LRP1B: variants seen among roughly 807,000 people sequenced by gnomAD.
The protein encoded by LRP1B is LDL receptor related protein 1B, also known as low-density lipoprotein receptor-related protein 1B.
LRP1B carries 217 observed loss-of-function variants against 556.6 expected under a neutral mutation model. That is an observed-to-expected ratio of 0.39 (90% CI 0.35 to 0.44). The LOEUF is 0.44. LRP1B is among the 20% of genes least tolerant of loss of function. The pLI, the probability that LRP1B is intolerant of heterozygous loss-of-function variation, is 1.00. For synonymous variants in LRP1B, 2,047 were observed against 1,865.8 expected (o/e 1.10, Z -2.50); for missense variants, 5,053 against 5,620.8 (o/e 0.90, Z 3.23).
At chr2:140,987,531 A>G (rs980997796) in intron 17 of LRP1B, among the ~76,000 whole-genome samples, 1 of 152,150 alleles carries the variant, frequency 6.6e-6, no homozygotes, top group Non-Finnish European at 1.5e-5. Context: ...TTCTTTAAAA[A>G]CCATGTAGAA....
chr2:141,991,661 G>C (rs940433604), intron 1 of LRP1B, among the ~76,000 whole-genome samples: 5 of 151,966 alleles, frequency 3.3e-5, no homozygotes, highest in Non-Finnish European at 7.4e-5. Context: ...TCCTCTTTTA[G>C]AGGAAACAGA....
intron 79 of LRP1B, among the ~76,000 whole-genome samples, chr2:140,332,102 T>A (rs944783614): frequency 3.3e-5 from 5 of 152,058 alleles, no homozygotes; most frequent in African/African-American, 1.2e-4. Flanking sequence ...ACCAGGTGTA[T>A]CTGACTCCAA....
At chr2:141,686,256 A>C (rs1265907273) in intron 2 of LRP1B, among the ~76,000 whole-genome samples, 1 of 152,036 alleles carries the variant, frequency 6.6e-6, no homozygotes, top group Non-Finnish European at 1.5e-5. Context: ...ACTTACTTTC[A>C]TTGATAGCAT....
intron 2 of LRP1B, among the ~76,000 whole-genome samples, chr2:141,519,545 G>A (rs1348348547): frequency 5.3e-5 from 8 of 151,694 alleles, no homozygotes; most frequent in Non-Finnish European, 7.4e-5. Flanking sequence ...GGTATGACAG[G>A]CAACTCTTCA....
At chr2:141,567,613 T>C (rs1379709479) in intron 2 of LRP1B, among the ~76,000 whole-genome samples, 1 of 151,962 alleles carries the variant, frequency 6.6e-6, no homozygotes, top group Non-Finnish European at 1.5e-5. Context: ...TAAGAAAAGA[T>C]GAGAAATTAG....
At chr2:141,962,092 T>C (rs557974964) in intron 1 of LRP1B, among the ~76,000 whole-genome samples, 2 of 151,796 alleles carry the variant, frequency 1.3e-5, no homozygotes, top group Non-Finnish European at 2.9e-5. Flanking sequence ...AATACAGTAA[T>C]TTTTAACCTA....
intron 41 of LRP1B, among the ~76,000 whole-genome samples, chr2:140,644,379 A>G (rs1001964817): frequency 1.3e-4 from 19 of 151,266 alleles, no homozygotes; most frequent in Non-Finnish European, 1.8e-4. Context: ...AATAGCATCA[A>G]TCATTTCTTT....
At chr2:141,802,994 T>C (rs2105691568) in intron 2 of LRP1B, among the ~76,000 whole-genome samples, 1 of 152,206 alleles carries the variant, frequency 6.6e-6, no homozygotes, top group Non-Finnish European at 1.5e-5. Flanking sequence ...ATTCCTGTAT[T>C]TCATTTCACC....
chr2:140,539,197 G>T (rs952382011), intron 45 of LRP1B, among the ~76,000 whole-genome samples: 1 of 152,082 alleles, frequency 6.6e-6, no homozygotes, highest in Non-Finnish European at 1.5e-5. Flanking sequence ...CCTCAGGTAG[G>T]TGTTAGTACA....
intron 35 of LRP1B, among the ~76,000 whole-genome samples, chr2:140,726,134 G>GATT (rs1687585282): frequency 6.6e-6 from 1 of 152,096 alleles, no homozygotes; most frequent in Admixed American, 6.6e-5. Flanking sequence ...TTGTGAAGGA[G>GATT]ATTCCAATTA....
chr2:140,263,050 A>G (rs921005181), intron 86 of LRP1B, among the ~76,000 whole-genome samples: 1 of 152,192 alleles, frequency 6.6e-6, no homozygotes, highest in Non-Finnish European at 1.5e-5. Flanking sequence ...CAGTCTCCCA[A>G]GTAGCTAGAA....
intron 7 of LRP1B, among the ~76,000 whole-genome samples, chr2:141,146,464 A>T (rs1701787468): frequency 6.6e-6 from 1 of 152,202 alleles, no homozygotes; most frequent in Admixed American, 6.5e-5. Flanking sequence ...TCTATTTACA[A>T]AGATTAACTG....
chr2:140,722,897 G>T lies in LRP1B; in HGVS notation c.5759-6081C>A, dbSNP rs187699137. On this transcript the variant is annotated intron_variant, in intron 35 of 90. Coordinates refer to ENST00000389484, the MANE Select transcript of LRP1B (RefSeq NM_018557.3). The stretch of plus-strand genomic sequence containing the variant: ...TCTCTACTAAAAATACAAAAAATTA[G>T]CCGGGCATGTTGGCGGGCGCCTGTA... 2.7e-3 allele frequency among the ~76,000 whole-genome samples: 408 copies of T among 152,150 alleles called. 2 individuals carry two copies. The highest frequency in any genetic ancestry group is 9.5e-3 in the African/African-American group (393 of 41,516).
chr2:140,281,896 G>A (rs1419637576), intron 84 of LRP1B, among the ~76,000 whole-genome samples: 1 of 151,610 alleles, frequency 6.6e-6, no homozygotes, highest in Non-Finnish European at 1.5e-5. Flanking sequence ...GTTTATGGTT[G>A]CTTCCATATC....
chr2:141,845,879 AT>A, intron 1 of LRP1B, among the ~76,000 whole-genome samples: 1 of 152,068 alleles, frequency 6.6e-6, no homozygotes, highest in Non-Finnish European at 1.5e-5. Flanking sequence ...GAGAAAGGAT[AT>A]AAAATATCAT....
chr2:141,083,178 T>A (rs1229398403), intron 7 of LRP1B, among the ~76,000 whole-genome samples: 1 of 152,210 alleles, frequency 6.6e-6, no homozygotes, highest in Non-Finnish European at 1.5e-5. Flanking sequence ...GAATCTTTCA[T>A]CTATTTAAAC....
At chr2:140,493,800 G>T (rs1038909710) in intron 56 of LRP1B, among the ~76,000 whole-genome samples, 2 of 151,942 alleles carry the variant, frequency 1.3e-5, no homozygotes, top group Non-Finnish European at 2.9e-5. Context: ...TAATACCAAA[G>T]GTATGACATT....
At chr2:141,265,152 A>G (rs1024166085) in intron 3 of LRP1B, among the ~76,000 whole-genome samples, 1 of 152,192 alleles carries the variant, frequency 6.6e-6, no homozygotes, top group Non-Finnish European at 1.5e-5. Context: ...AGTCACCTCA[A>G]GAAGACGCAG....
intron 1 of LRP1B, among the ~76,000 whole-genome samples, chr2:142,125,088 A>T (rs759420189): frequency 6.6e-6 from 1 of 151,804 alleles, no homozygotes; most frequent in Non-Finnish European, 1.5e-5. Flanking sequence ...ATATCACTCA[A>T]TTTAGAACAG....
Sources: allele counts gnomAD v4.1 joint callset (sites outside exome capture counted in the v4.1 genomes callset), GRCh38; gene constraint gnomAD v4.1.1; transcripts MANE v1.5; gene names NCBI Gene and HGNC (gene_info 2026-07-23, HGNC 2026-07-21).